The following C8orf34 variants were observed in gnomAD, a reference collection of about 807,000 sequenced individuals.
C8orf34 encodes uncharacterized protein C8orf34.
Under a neutral mutation model 68.3 loss-of-function variants are expected in C8orf34, and 65 were observed. The observed-to-expected ratio is 0.95, with a 90% CI of 0.78 to 1.17. The LOEUF is 1.17. C8orf34 is among the 50% of genes most tolerant of loss of function. The probability of loss-of-function intolerance (pLI) is 0.00; values close to 1 mark genes in which losing one functional copy is unlikely to be tolerated. For synonymous variants in C8orf34, 244 were observed against 241.2 expected (o/e 1.01, Z -0.11); for missense variants, 664 against 655.4 (o/e 1.01, Z -0.14).
intron 7 of C8orf34, chr8:68,534,363 T>G (rs1004809414): frequency 1.0e-6 from 1 of 975,154 alleles, no homozygotes; most frequent in African/African-American, 1.8e-5. Flanking sequence ...AACAAACATT[T>G]ACTGAGCACT....
At chr8:68,515,412 T>C (rs1311922178) in intron 5 of C8orf34, among the ~76,000 whole-genome samples, 2 of 151,870 alleles carry the variant, frequency 1.3e-5, no homozygotes, top group African/African-American at 2.4e-5. Flanking sequence ...TAATTTCTCA[T>C]CTTCACCACT....
chr8:68,582,248 C>A (rs1398199807), intron 7 of C8orf34, among the ~76,000 whole-genome samples: 1 of 152,084 alleles, frequency 6.6e-6, no homozygotes, highest in African/African-American at 2.4e-5. Flanking sequence ...AGGGAATGAC[C>A]TAATGCAACA....
At chr8:68,441,655 C>T (rs937490198) in intron 2 of C8orf34, among the ~76,000 whole-genome samples, 12 of 152,256 alleles carry the variant, frequency 7.9e-5, no homozygotes, top group African/African-American at 1.2e-4. Flanking sequence ...TGAATCACCA[C>T]GCCCTGCTGG....
At chr8:68,635,054 T>A (rs1391020780) in intron 7 of C8orf34, among the ~76,000 whole-genome samples, 1 of 152,154 alleles carries the variant, frequency 6.6e-6, no homozygotes, top group Non-Finnish European at 1.5e-5. Context: ...GCTATCCAGA[T>A]GGGGTGTGAG....
intron 7 of C8orf34, among the ~76,000 whole-genome samples, chr8:68,609,552 T>C (rs1191858976): frequency 6.6e-6 from 1 of 152,170 alleles, no homozygotes; most frequent in African/African-American, 2.4e-5. Context: ...ATCATTGGTG[T>C]CAAACTAAGA....
chr8:68,382,627 G>T (rs184884957), intron 1 of C8orf34, among the ~76,000 whole-genome samples: 2 of 152,066 alleles, frequency 1.3e-5, no homozygotes, highest in East Asian at 3.9e-4. Context: ...CCATCCCTTG[G>T]CCCCTGTGAC....
intron 5 of C8orf34, among the ~76,000 whole-genome samples, chr8:68,495,547 A>G (rs1270198700): frequency 6.6e-6 from 1 of 152,252 alleles, no homozygotes; most frequent in African/African-American, 2.4e-5. Context: ...CAGAAGTCAC[A>G]TAAAAAGAAA....
intron 1 of C8orf34, among the ~76,000 whole-genome samples, chr8:68,434,322 T>A (rs1014558838): frequency 6.6e-6 from 1 of 152,136 alleles, no homozygotes; most frequent in Non-Finnish European, 1.5e-5. Flanking sequence ...TGATGTGAGG[T>A]CCCAGTGTGT....
intron 7 of C8orf34, among the ~76,000 whole-genome samples, chr8:68,618,852 A>G (rs1394209561): frequency 1.3e-5 from 2 of 152,224 alleles, no homozygotes; most frequent in Non-Finnish European, 2.9e-5. Context: ...ATGTTTGAGT[A>G]AAAGAATAAT....
chr8:68,816,080 G>A, intron 13 of C8orf34, 135 bp downstream of exon 13: 10 of 1,415,294 alleles, frequency 7.1e-6, no homozygotes, highest in Non-Finnish European at 9.7e-6. Context: ...CAAGTATCCT[G>A]CATAAGATTA....
rs200556315 is a variant in C8orf34 at position 68,816,103 on chromosome 8, A to AGTGT, written c.1609+159_1609+160insTGTG. Among the ~76,000 whole-genome samples, 402 of 104,674 alleles carry AGTGT rather than the reference A, an allele frequency of 3.8e-3. 1 individual carries two copies. Among genetic ancestry groups the AGTGT allele is most frequent in the African/African-American group, 0.015 (355 of 24,122 alleles). 68.7% of individuals were successfully genotyped at this position (104,674 alleles called of 152,430 possible). ...CTGCATAAGATTATAAGATTTCCTA[A>AGTGT]GAGTGTGTGTGTGTGTGTGTGTGTG... On this transcript the variant is annotated intron_variant, in intron 13 of 13. Transcript: ENST00000518698.
intron 6 of C8orf34, among the ~76,000 whole-genome samples, chr8:68,529,387 T>C (rs1815150490): frequency 6.6e-6 from 1 of 152,196 alleles, no homozygotes; most frequent in South Asian, 2.1e-4. Flanking sequence ...TGAGATTTCA[T>C]CTCTCAGTTA....
At chr8:68,678,803 A>C (rs1027521810) in intron 8 of C8orf34, among the ~76,000 whole-genome samples, 2 of 150,266 alleles carry the variant, frequency 1.3e-5, no homozygotes, top group Non-Finnish European at 3.0e-5. Flanking sequence ...AAGTTAAATT[A>C]TCCTTTTTTG....
rs1163735057 is a variant in C8orf34, at chr8:68,356,439, C to T, written c.327+25100C>T. ...ACTGGTATATTTGGGACATTCCCTACTATTATATCCTGACAATTTCACAAA... is the reference window on the plus strand; with the variant it reads ...ACTGGTATATTTGGGACATTCCCTATTATTATATCCTGACAATTTCACAAA... On this transcript the variant is annotated intron_variant, in intron 1 of 13. Transcript: ENST00000518698. 2.0e-5 allele frequency among the ~76,000 whole-genome samples: 3 copies of T among 152,042 alleles called. 1 individual carries two copies. The highest frequency in any genetic ancestry group is 7.2e-5 in the African/African-American group (3 of 41,412).
chr8:68,482,686 A>T (rs888271804), intron 4 of C8orf34, among the ~76,000 whole-genome samples: 5 of 152,314 alleles, frequency 3.3e-5, no homozygotes, highest in Admixed American at 1.3e-4. Context: ...ACTCAGTGGC[A>T]TGCCAGTAAG....
At chr8:68,803,697 C>T (rs1824398803) in intron 12 of C8orf34, among the ~76,000 whole-genome samples, 1 of 151,954 alleles carries the variant, frequency 6.6e-6, no homozygotes, top group Non-Finnish European at 1.5e-5. Context: ...TTAAAATATA[C>T]AGAAAAGCAA....
At chr8:68,339,736 G>C (rs938775810) in intron 1 of C8orf34, among the ~76,000 whole-genome samples, 1 of 151,758 alleles carries the variant, frequency 6.6e-6, no homozygotes, top group Non-Finnish European at 1.5e-5. Context: ...CTTGGGTTTG[G>C]AAAATATTTC....
At chr8:68,740,215 T>C in intron 10 of C8orf34, among the ~76,000 whole-genome samples, 1 of 151,968 alleles carries the variant, frequency 6.6e-6, no homozygotes, top group East Asian at 1.9e-4. Flanking sequence ...ACGATAAAGA[T>C]GCCAAAAGCA....
At chr8:68,676,177 CAG>C (rs920866496) in intron 8 of C8orf34, among the ~76,000 whole-genome samples, 1 of 151,884 alleles carries the variant, frequency 6.6e-6, no homozygotes, top group African/African-American at 2.4e-5. Flanking sequence ...CTACAAAAAA[CAG>C]AAAAATTATC....
Sources: allele counts gnomAD v4.1 joint callset (sites outside exome capture counted in the v4.1 genomes callset), GRCh38; gene constraint gnomAD v4.1.1; transcripts MANE v1.5; gene names NCBI Gene and HGNC (gene_info 2026-07-23, HGNC 2026-07-21).